Variants in CCZ1 observed in about 807,000 individuals in gnomAD.
CCZ1 encodes the protein vacuolar fusion protein CCZ1 homolog.
CCZ1 carries 19 observed loss-of-function variants against 57.8 expected under a neutral mutation model. The observed-to-expected ratio is 0.33, with a 90% CI of 0.23 to 0.48. The LOEUF (loss-of-function observed/expected upper bound fraction) is 0.48, where lower values mean the gene tolerates loss of function less well. Ranked by LOEUF, CCZ1 falls within the 20% of genes least tolerant of loss-of-function variation. CCZ1 has a pLI of 0.99. For missense variants in CCZ1, 200 were observed against 492.0 expected (o/e 0.41, Z 5.61); for synonymous variants, 81 against 167.0 (o/e 0.49, Z 3.97).
intron 10 of CCZ1, among the ~76,000 whole-genome samples, chr7:5,916,521 G>A (rs1183606730): frequency 8.1e-6 from 1 of 122,948 alleles, no homozygotes. Context: ...TTTTTTTTTG[G>A]TTTTTTGGTT....
chr7:5,906,323 CTTTTTT>C (rs398066572), intron 7 of CCZ1, among the ~76,000 whole-genome samples: 2 of 128,030 alleles, frequency 1.6e-5, no homozygotes, highest in African/African-American at 3.0e-5. Flanking sequence ...TTCTTTCTTT[CTTTTTT>C]TTTTTTTTTT....
rs1425400047 is a variant in CCZ1 at position 5,918,789 on chromosome 7, CT to C, written c.955-75del. The C allele has an allele frequency of 5.0e-6, 3 of 596,606 alleles. No individual in the cohort carries two copies. In the Admixed American group the frequency reaches 9.2e-5, roughly 18 times the overall value. The allele number at this position is 596,606 out of a possible 1,614,324, so 37.0% of individuals were successfully genotyped here. On this transcript the variant is annotated intron_variant, in intron 10 of 14. Coordinates refer to ENST00000325974, the MANE Select transcript of CCZ1 (RefSeq NM_015622.6). Reference sequence around the variant, plus strand: ...CTTACAGTTGACTTCTCCCCATTGACTTTGAACAGATTGTTATTATACGAAA... The same window carrying C: ...CTTACAGTTGACTTCTCCCCATTGACTTGAACAGATTGTTATTATACGAAA...
intron 7 of CCZ1, among the ~76,000 whole-genome samples, chr7:5,908,047 G>T (rs1393425777): frequency 7.0e-6 from 1 of 142,428 alleles, no homozygotes; most frequent in Non-Finnish European, 1.5e-5. Flanking sequence ...GTTTGAGGTT[G>T]CAGTGAGCTA....
intron 14 of CCZ1, chr7:5,925,426 C>T (rs766286695): frequency 0.095 from 47,865 of 502,774 alleles, 470 homozygotes; most frequent in Non-Finnish European, 0.11. Context: ...AAGATCACAC[C>T]ACTACACTCC....
At chr7:5,899,352 TG>T (rs1781628287) in intron 1 of CCZ1, among the ~76,000 whole-genome samples, 3 of 127,208 alleles carry the variant, frequency 2.4e-5, no homozygotes, top group Non-Finnish European at 5.3e-5. Flanking sequence ...TGTGTGTGTG[TG>T]TGTGTGTGTG....
intron 6 of CCZ1, among the ~76,000 whole-genome samples, chr7:5,903,664 C>T (rs1196363906): frequency 6.9e-6 from 1 of 144,116 alleles, no homozygotes; most frequent in Non-Finnish European, 1.5e-5. Context: ...AACTGTTGTC[C>T]TGAGTACATA....
intron 1 of CCZ1, among the ~76,000 whole-genome samples, chr7:5,899,338 T>G (rs1327049551): frequency 7.1e-3 from 12 of 1,686 alleles, no homozygotes; most frequent in African/African-American, 0.018. Flanking sequence ...GAGGGGGGTG[T>G]GTGTGTGTGT....
intron 7 of CCZ1, among the ~76,000 whole-genome samples, chr7:5,906,565 C>G (rs1368360481): frequency 6.7e-6 from 1 of 148,470 alleles, no homozygotes; most frequent in African/African-American, 2.5e-5. Context: ...TCAGGTGATT[C>G]CCCTGCATAG....
intron 6 of CCZ1, among the ~76,000 whole-genome samples, chr7:5,902,998 A>G (rs1381962928): frequency 6.7e-6 from 1 of 148,294 alleles, no homozygotes; most frequent in African/African-American, 2.5e-5. Context: ...TCCTGGAGAC[A>G]TCGTTTGGCC....
rs1280494051 is a variant in CCZ1 at position 5,907,351 on chromosome 7, A to C, written c.698+2082A>C. Among the ~76,000 whole-genome samples, 5 of 149,440 alleles carry C rather than the reference A, an allele frequency of 3.3e-5. 1 individual carries two copies. On this transcript the variant is annotated intron_variant, in intron 7 of 14. Coordinates refer to ENST00000325974, the MANE Select transcript of CCZ1 (RefSeq NM_015622.6). ...GAGGGATGGCTCCTCCACAGATGGA[A>C]ATGACAGGACGTGCTTGCAAGTCAC...
At chr7:5,899,334 G>T (rs3094961) in intron 1 of CCZ1, among the ~76,000 whole-genome samples, 1,973 of 12,036 alleles carry the variant, frequency 0.16, 83 homozygotes, top group African/African-American at 0.34. Context: ...TCGGGAGGGG[G>T]GTGTGTGTGT....
At chr7:5,905,780 C>CAA (rs1159423331) in intron 7 of CCZ1, among the ~76,000 whole-genome samples, 3 of 4,008 alleles carry the variant, frequency 7.5e-4, no homozygotes, top group Admixed American at 4.0e-3. Context: ...GACTCTGTCT[C>CAA]CAAAAAAAAA....
At chr7:5,900,140 A>G in intron 1 of CCZ1, 144 bp from the exon 2 acceptor site, 2 of 1,030,394 alleles carry the variant, frequency 1.9e-6, no homozygotes, top group South Asian at 1.7e-5. Context: ...CTAGGATTAC[A>G]ATTCCTGTTT....
rs190183123 is a variant in CCZ1, at chr7:5,907,926, A to G, written c.699-2109A>G. Among the ~76,000 whole-genome samples, 66 of 70,350 alleles carry G rather than the reference A, an allele frequency of 9.4e-4. 12 individuals are homozygous for G. The East Asian group carries it at 0.049, about 52-fold the overall frequency. 46.2% of individuals were successfully genotyped at this position (70,350 alleles called of 152,430 possible). A position where few individuals can be genotyped will look rare whatever the true frequency, so the allele number is the denominator to read the frequency against. On this transcript the variant is annotated intron_variant, in intron 7 of 14. Coordinates refer to ENST00000325974, the MANE Select transcript of CCZ1 (RefSeq NM_015622.6). ...AGCCTGGGCAGCATAGTGAGACTGT[A>G]TCTACAAAAAATGGAAAAAAAAAAA...
intron 1 of CCZ1, among the ~76,000 whole-genome samples, chr7:5,899,332 G>GTGTGTGTGTGTGTGTGTGT (rs1781623164): frequency 7.8e-6 from 1 of 128,854 alleles, no homozygotes; most frequent in African/African-American, 2.8e-5. Context: ...TTTCGGGAGG[G>GTGTGTGTGTGTGTGTGTGT]GGGTGTGTGT....
chr7:5,912,377 CTTTTTTTTTTTTTTT>C (rs4036238), intron 9 of CCZ1, among the ~76,000 whole-genome samples: 6 of 54,702 alleles, frequency 1.1e-4, no homozygotes, highest in Admixed American at 9.2e-4. Flanking sequence ...TCAGCATACC[CTTTTTTTTTTTTTTT>C]TTTTTTTTTT....
chr7:5,905,295 T>G, intron 7 of CCZ1, 26 bp downstream of exon 7: 1 of 1,306,988 alleles, frequency 7.7e-7, no homozygotes, highest in South Asian at 1.5e-5. Flanking sequence ...GGCATGGTAT[T>G]AAAAGAAGAA....
At chr7:5,909,997 T>C (rs1781932334) in intron 7 of CCZ1, 38 bp from the exon 8 acceptor site, 2 of 1,585,898 alleles carry the variant, frequency 1.3e-6, no homozygotes, top group African/African-American at 2.7e-5. Context: ...CAGAAGACAG[T>C]TCCAAACGTT....
At chr7:5,915,032 G>C (rs576531115) in intron 10 of CCZ1, among the ~76,000 whole-genome samples, 106 of 148,774 alleles carry the variant, frequency 7.1e-4, no homozygotes, top group African/African-American at 2.3e-3. Flanking sequence ...TCTCATGTGT[G>C]AGACGGTACA....
Sources: allele counts gnomAD v4.1 joint callset (sites outside exome capture counted in the v4.1 genomes callset), GRCh38; gene constraint gnomAD v4.1.1; transcripts MANE v1.5; gene names NCBI Gene and HGNC (gene_info 2026-07-23, HGNC 2026-07-21).